Variants in CUX1 observed in about 807,000 individuals in gnomAD.
CUX1 encodes the protein cut like homeobox 1.
A neutral mutation model predicts 158.8 loss-of-function variants in CUX1; 31 were observed. That is an observed-to-expected ratio of 0.20 (90% CI 0.15 to 0.26). CUX1 has a LOEUF of 0.26. CUX1 is among the 10% of genes least tolerant of loss of function. CUX1 has a pLI of 1.00. For synonymous variants in CUX1, 879 were observed against 862.1 expected, an observed-to-expected ratio of 1.02 and a Z score of -0.34; for missense variants, 1,589 against 2,014.6, an observed-to-expected ratio of 0.79 and a Z score of 4.04.
chr7:102,219,390 A>AC (rs1277506549), intron 20 of CUX1, among the ~76,000 whole-genome samples: 1 of 151,460 alleles, frequency 6.6e-6, no homozygotes, highest in African/African-American at 2.4e-5. Context: ...CCTCCCCCAC[A>AC]CCCCCTACAG....
intron 8 of CUX1, among the ~76,000 whole-genome samples, chr7:102,128,186 C>T (rs782291643): frequency 6.6e-6 from 1 of 152,188 alleles, no homozygotes; most frequent in Non-Finnish European, 1.5e-5. Context: ...CAGACAAGAG[C>T]GTTTGGAAGC....
intron 2 of CUX1, among the ~76,000 whole-genome samples, chr7:102,011,357 C>T (rs1454286401): frequency 1.3e-5 from 2 of 151,916 alleles, no homozygotes; most frequent in East Asian, 1.9e-4. Flanking sequence ...GCCCCTTCCC[C>T]GAGACCACCA....
At chr7:102,204,660 C>G (rs1795770638) in intron 19 of CUX1, 104 bp downstream of exon 19, 1 of 1,465,420 alleles carries the variant, frequency 6.8e-7, no homozygotes, top group Admixed American at 2.2e-5. Flanking sequence ...GGAACTCCGC[C>G]CCAGGAGGTG....
At chr7:102,237,395 C>A (rs1799683122) in intron 22 of CUX1, among the ~76,000 whole-genome samples, 2 of 151,868 alleles carry the variant, frequency 1.3e-5, no homozygotes, top group Admixed American at 6.6e-5. Context: ...GTGATCCTCC[C>A]ATCCCAGCTA....
At position 101,988,036 on chromosome 7, in the gene CUX1, A is replaced by G. The variant is rs1814555963; in HGVS notation, c.142-40062A>G. Among the ~76,000 whole-genome samples, 5 of 151,958 alleles carry G rather than the reference A, an allele frequency of 3.3e-5. No individual in the cohort carries two copies. In the South Asian group the frequency reaches 1.0e-3, roughly 32 times the overall value. ...AGACCAGCCTGGCCAACATGGGGAA[A>G]CCTCGTCTCTACTAAAAATAGAAAA... On this transcript the variant is annotated intron_variant, in intron 2 of 23. Transcript: ENST00000292535.
chr7:102,225,011 C>A lies in CUX1; in HGVS notation c.3131-2356C>A, dbSNP rs538032447. 4.0e-4 allele frequency among the ~76,000 whole-genome samples: 61 copies of A among 152,300 alleles called. No individual in the cohort carries two copies. The Middle Eastern group carries it at 0.01, about 25-fold the overall frequency. On this transcript the variant is annotated intron_variant, in intron 20 of 23. Coordinates refer to ENST00000292535, the MANE Select transcript of CUX1 (RefSeq NM_181552.4). ...GGTGAATCACGCCATCCTTACGGTACGGTTCCTCTGCCGGCTTCAGACACA... is the reference window on the plus strand; with the variant it reads ...GGTGAATCACGCCATCCTTACGGTAAGGTTCCTCTGCCGGCTTCAGACACA...
At chr7:102,095,280 G>A (rs1829060265) in intron 4 of CUX1, among the ~76,000 whole-genome samples, 1 of 152,026 alleles carries the variant, frequency 6.6e-6, no homozygotes, top group African/African-American at 2.4e-5. Context: ...CAAAGTGCTG[G>A]GATTACAGGC....
chr7:101,897,820 G>T (rs970811826), intron 1 of CUX1, among the ~76,000 whole-genome samples: 1 of 152,160 alleles, frequency 6.6e-6, no homozygotes, highest in African/African-American at 2.4e-5. Context: ...TGGTGTGTGT[G>T]TTTCAAGAGG....
intron 2 of CUX1, among the ~76,000 whole-genome samples, chr7:101,936,986 C>T (rs923006567): frequency 1.2e-4 from 18 of 152,158 alleles, no homozygotes; most frequent in African/African-American, 3.6e-4. Flanking sequence ...ACACAGTCAC[C>T]GGGGAAGGGC....
rs149032606 is a variant in CUX1, at chr7:101,965,272, C to T, written c.141+49047C>T. On this transcript the variant is annotated intron_variant, in intron 2 of 23. Coordinates refer to ENST00000292535, the MANE Select transcript of CUX1 (RefSeq NM_181552.4). ...TCCTTGGTGTGGGCGAGGCACTGTG[C>T]GGCGGGGAGGGGGCTTCCTTCCTTT... Among the ~76,000 whole-genome samples, 69 of 152,286 alleles carry T rather than the reference C, an allele frequency of 4.5e-4. 1 individual carries two copies. The East Asian group carries it at 0.013, about 29-fold the overall frequency.
chr7:102,013,219 A>G (rs1818231752), intron 2 of CUX1, among the ~76,000 whole-genome samples: 1 of 152,178 alleles, frequency 6.6e-6, no homozygotes, highest in Non-Finnish European at 1.5e-5. Flanking sequence ...ATCAAGAGAA[A>G]TTTGTAAGAA....
intron 14 of CUX1, chr7:102,265,079 G>C (rs1790701256): frequency 1.3e-5 from 2 of 152,220 alleles, no homozygotes; most frequent in Non-Finnish European, 2.9e-5. Context: ...TGTGTGGCCG[G>C]GGGTGGTGGC....
chr7:101,848,466 T>A (rs558972278), intron 1 of CUX1, among the ~76,000 whole-genome samples: 37 of 152,268 alleles, frequency 2.4e-4, no homozygotes, highest in African/African-American at 7.7e-4. Flanking sequence ...ATTTTCAAAG[T>A]GGAAGTCCTT....
Position 102,257,778 on chromosome 7 carries a change from C to CACCAAGT in CUX1, c.*8737_*8743dup. The CACCAAGT allele has an allele frequency of 1.0e-6, 1 of 984,826 alleles. No homozygotes were observed. Among genetic ancestry groups the CACCAAGT allele is most frequent in the South Asian group, 4.7e-5 (1 of 21,264 alleles). 61.0% of individuals were successfully genotyped at this position (984,826 alleles called of 1,614,324 possible). On this transcript the variant is annotated 3_prime_UTR_variant, in exon 24 of 24. Transcript: ENST00000292535. ...GCAGTATTTTATATTTTCTGTAACG[C>CACCAAGT]ACCAAGTCTTAGATCTTTCTAGAGC...
intron 4 of CUX1, among the ~76,000 whole-genome samples, chr7:102,080,692 T>C (rs1286977965): frequency 1.3e-5 from 2 of 152,114 alleles, no homozygotes; most frequent in African/African-American, 4.8e-5. Context: ...CCCAGCCGAA[T>C]CCAAAAGCCG....
chr7:102,073,165 C>CTTTCTTTTTTTTTTT (rs1407935481), intron 4 of CUX1, among the ~76,000 whole-genome samples: 1 of 66,890 alleles, frequency 1.5e-5, no homozygotes, highest in African/African-American at 6.4e-5. Flanking sequence ...TCTTTTCTTT[C>CTTTCTTTTTTTTTTT]TTTTTTTTTT....
intron 2 of CUX1, among the ~76,000 whole-genome samples, chr7:101,919,049 G>A (rs1804572418): frequency 6.6e-6 from 1 of 152,200 alleles, no homozygotes; most frequent in South Asian, 2.1e-4. Context: ...AAAGTGCTGG[G>A]ATTACAGGCA....
At chr7:101,818,364 T>C (rs77674722) in intron 1 of CUX1, among the ~76,000 whole-genome samples, 2 of 130,414 alleles carry the variant, frequency 1.5e-5, no homozygotes, top group Admixed American at 9.0e-5. Context: ...TTTTCTCTCT[T>C]GTCTTCCTAA....
In CUX1 at chr7:102,021,316, T is replaced by C. The variant is rs560799968; in HGVS notation, c.142-6782T>C. On this transcript the variant is annotated intron_variant, in intron 2 of 23. Transcript: ENST00000292535. ...AAACCTGGATTATCAGATTTTTTTT[T>C]CCCCCATTTGGAGACAGGGTCTTGC... is the stretch of plus-strand genomic sequence containing the variant. Among the ~76,000 whole-genome samples the C allele has an allele frequency of 9.4e-4, 143 of 152,120 alleles. 2 individuals carry two copies. Among genetic ancestry groups the C allele is most frequent in the African/African-American group, 1.3e-3 (52 of 41,502 alleles).
Sources: gnomAD v4.1 joint callset for allele counts (sites outside exome capture counted in the v4.1 genomes callset) on GRCh38, gnomAD v4.1.1 for gene constraint, MANE v1.5 for transcripts, NCBI Gene and HGNC (gene_info 2026-07-23, HGNC 2026-07-21) for gene names.